Variants in CACNA1G observed in about 807,000 individuals in gnomAD.
CACNA1G encodes the protein voltage-dependent T-type calcium channel subunit alpha-1G.
CACNA1G carries 67 observed loss-of-function variants against 219.4 expected under a neutral mutation model. The ratio of observed to expected loss-of-function variants is 0.31; its 90% CI spans 0.25 to 0.37. The LOEUF (loss-of-function observed/expected upper bound fraction) is 0.37. Among genes scored for constraint, CACNA1G ranks in the 10% least tolerant of loss-of-function variants. The pLI is 1.00. For synonymous variants in CACNA1G, 1,296 were observed against 1,345.3 expected, an observed-to-expected ratio of 0.96 and a Z score of 0.80; for missense variants, 2,380 against 3,231.4, an observed-to-expected ratio of 0.74 and a Z score of 6.39.
At chr17:50,607,611 G>A (rs149611136) in intron 24 of CACNA1G, 10 of 548,238 alleles carry the variant, frequency 1.8e-5, no homozygotes, top group Non-Finnish European at 2.9e-5. Context: ...GAGTCAGCCA[G>A]AACAAAGAGG....
chr17:50,576,407 G>A lies in CACNA1G; in HGVS notation c.1924+81G>A, dbSNP rs182696785. The A allele has an allele frequency of 2.7e-5, 36 of 1,355,362 alleles. No individual in the cohort carries two copies. The East Asian group carries it at 8.8e-4, about 33-fold the overall frequency. The allele number at this position is 1,355,362 out of a possible 1,614,324, so 84.0% of individuals were successfully genotyped here. A position where few individuals can be genotyped will look rare whatever the true frequency, so the allele number is the denominator to read the frequency against. ...CCCAGAGGGGACTAGGGGGTCTGGA[G>A]TCAGAGGGACCAGGGCTTATATTCT... is the stretch of plus-strand genomic sequence containing the variant. On this transcript the variant is annotated intron_variant, in intron 8 of 37. Transcript: ENST00000359106.
In CACNA1G at chr17:50,599,670, G is replaced by A. The variant is rs774835933; in HGVS notation, c.3501G>A (p.Glu1167=). 121 of 1,613,100 alleles carry A rather than the reference G, an allele frequency of 7.5e-5. No homozygotes were observed. The highest frequency in any genetic ancestry group is 9.7e-5 in the Non-Finnish European group (114 of 1,179,580). ...GCCACAGGGGGTCCCTGGAGCGGGA[G>A]GCCAAGAGTTCCTTTGACCTGCCAG... ...DHRHRGSLER[E]AKSSFDLPDT... The change falls in exon 17 of 38, where the codon GAG becomes GAA. Residue 1167 remains glutamate, a synonymous_variant. Transcript: ENST00000359106.
At chr17:50,615,034 C>T (rs1365289432) in intron 26 of CACNA1G, among the ~76,000 whole-genome samples, 2 of 152,156 alleles carry the variant, frequency 1.3e-5, no homozygotes, top group Non-Finnish European at 2.9e-5. Flanking sequence ...TGCTGCGGAA[C>T]ACTGAGTCGA....
intron 9 of CACNA1G, among the ~76,000 whole-genome samples, chr17:50,589,519 C>T (rs2043710399): frequency 6.6e-6 from 1 of 152,104 alleles, no homozygotes; most frequent in South Asian, 2.1e-4. Context: ...CATGTTTTTG[C>T]AGCTCCTTTA....
In CACNA1G at chr17:50,621,609, CGT is replaced by C; in HGVS notation, c.5926-47_5926-46del. 1 of 1,600,594 alleles carries C rather than the reference CGT, an allele frequency of 6.2e-7. No homozygotes were observed. The highest frequency in any genetic ancestry group is 1.1e-5 in the South Asian group (1 of 90,244). ...GAGCGCGTGTGTGCGTGTGCACGCG[CGT>C]GTGCGCTGTCCTGGTTTCTCATGCC... On this transcript the variant is annotated intron_variant, in intron 34 of 37. Transcript: ENST00000359106. The surrounding 1 kb of genome is among the most constrained non-coding windows in gnomAD (Gnocchi z 4.6).
chr17:50,574,472 C>T (rs918708300), intron 7 of CACNA1G, among the ~76,000 whole-genome samples: 2 of 152,180 alleles, frequency 1.3e-5, no homozygotes, highest in African/African-American at 2.4e-5. Context: ...AGGCTTGGGG[C>T]GAAGCCTGAC....
At chr17:50,624,178 G>T (rs771654997) in intron 36 of CACNA1G, 103 bp downstream of exon 36, 14 of 1,435,676 alleles carry the variant, frequency 9.8e-6, no homozygotes, top group South Asian at 1.3e-5. Context: ...CAGCCAAAGA[G>T]GTATCTCTGA....
At position 50,568,906 on chromosome 17, in the gene CACNA1G, C is replaced by T. The variant is rs1392936573; in HGVS notation, c.279C>T (p.Leu93=). Residue 93 remains leucine (L), a synonymous_variant, in exon 2 of 38, where the codon CTC becomes CTT. Transcript: ENST00000359106. The part of the protein sequence containing the change: ...FERISMLVIL[L]NCVTLGMFRP... ...GCATCAGCATGTTGGTCATCCTTCT[C>T]AACTGCGTGACCCTGGGCATGTTCC... 1 of 1,613,720 alleles carries T rather than the reference C, an allele frequency of 6.2e-7. No homozygotes were observed. Among genetic ancestry groups the T allele is most frequent in the South Asian group, 1.1e-5 (1 of 91,084 alleles).
Position 50,608,020 on chromosome 17 carries a change from G to T in CACNA1G, c.4705+1G>T. ...CGAAGACTGGAGAAAAAGAGAAGGA[G>T]TAAGGAGAAGCAGATGGCTGGTCGG... On this transcript the variant is annotated splice_donor_variant, in intron 25 of 37. Transcript: ENST00000359106. LOFTEE classifies it high-confidence loss of function. 6.2e-7 allele frequency: 1 copy of T among 1,603,066 alleles called. No individual in the cohort carries two copies. The highest frequency in any genetic ancestry group is 8.5e-7 in the Non-Finnish European group (1 of 1,174,750).
chr17:50,607,029 T>C (rs778675445), intron 24 of CACNA1G, 40 bp downstream of exon 24: 1 of 1,455,074 alleles, frequency 6.9e-7, no homozygotes, highest in Non-Finnish European at 9.7e-7. Context: ...TGGGCTCAGG[T>C]CACTCAGCAT....
intron 9 of CACNA1G, among the ~76,000 whole-genome samples, chr17:50,587,585 G>A (rs890113032): frequency 1.3e-5 from 2 of 152,258 alleles, no homozygotes; most frequent in African/African-American, 4.8e-5. Flanking sequence ...ATGGCTCACT[G>A]GAGGGAATAC....
Position 50,571,814 on chromosome 17 carries a change from G to T in CACNA1G, c.587-64G>T, listed in dbSNP as rs1347169181. ...GTGGGGCCCCTCCGGGAGTGCTGCC[G>T]GGCCGTGGCAGTCAGCCTAGCCCGG... On this transcript the variant is annotated intron_variant, in intron 4 of 37. Coordinates refer to ENST00000359106, the MANE Select transcript of CACNA1G (RefSeq NM_018896.5). The surrounding 1 kb of genome is among the most constrained non-coding windows in gnomAD (Gnocchi z 4.3). The T allele has an allele frequency of 9.5e-6, 15 of 1,573,588 alleles. No homozygotes were observed. The highest frequency in any genetic ancestry group is 1.3e-5 in the Non-Finnish European group (15 of 1,151,306).
In CACNA1G at chr17:50,626,177, T is replaced by C; in HGVS notation, c.6560T>C (p.Ile2187Thr). Residue 2187 changes from isoleucine (I) to threonine (T), a missense_variant, in exon 38 of 38, where the codon ATC (isoleucine) becomes ACC (threonine). Ile to Thr is a moderately conservative substitution (Grantham distance 89). Around this residue, in one of 17 missense-constraint regions of CACNA1G, gnomAD observed 672 missense variants for 670.5 expected, o/e 1.00. Coordinates refer to ENST00000359106, the MANE Select transcript of CACNA1G (RefSeq NM_018896.5). This position sits in a 1 kb window ranked among gnomAD's most constrained non-coding sequence, Gnocchi z 4.3. ...CAGCACTCCCGCAGCCACAGCAAGA[T>C]CTCCAAGCACATGACCCCGCCAGCC... Reference protein sequence around the residue: ...AQQHSRSHSKISKHMTPPAPC... With the variant: ...AQQHSRSHSKTSKHMTPPAPC... 6.2e-7 allele frequency: 1 copy of C among 1,613,658 alleles called. No homozygotes were observed. The highest frequency in any genetic ancestry group is 8.5e-7 in the Non-Finnish European group (1 of 1,179,800).
Position 50,618,823 on chromosome 17 carries a change from G to A in CACNA1G, c.5596G>A (p.Glu1866Lys). ...ESNKEAKEEA[E>K]LEAELELEMK... The stretch of plus-strand genomic sequence containing the variant: ...CAACAAGGAGGCCAAGGAGGAGGCC[G>A]AGCTAGAGGCTGAGCTGGAGCTGGA... Residue 1866 changes from glutamate (E) to lysine (K), a missense_variant, in exon 33 of 38, where the codon GAG becomes AAG. Physicochemically the swap from Glu to Lys is moderately conservative, Grantham distance 56. This residue lies in a region of CACNA1G where 672 missense variants were observed against 670.5 expected (regional missense o/e 1.00). Coordinates refer to ENST00000359106, the MANE Select transcript of CACNA1G (RefSeq NM_018896.5). This position sits in a 1 kb window ranked among gnomAD's most constrained non-coding sequence, Gnocchi z 5.3. 3.7e-6 allele frequency: 6 copies of A among 1,613,892 alleles called. No individual in the cohort carries two copies. Among genetic ancestry groups the A allele is most frequent in the Admixed American group, 1.7e-5 (1 of 60,030 alleles).
rs539669907 is a variant in CACNA1G at position 50,626,306 on chromosome 17, C to T, written c.6689C>T (p.Pro2230Leu). Residue 2230 changes from proline (P) to leucine (L), a missense_variant, in exon 38 of 38, where the codon CCC (proline) becomes CTC (leucine). Coordinates refer to ENST00000359106, the MANE Select transcript of CACNA1G (RefSeq NM_018896.5). The surrounding 1 kb of genome is among the most constrained non-coding windows in gnomAD (Gnocchi z 4.3). ...AGCTGGATTTCAGGAGACCTCCTGCCCCCTGGCGGCCAGGAGGAGCCCCCA... is the reference window on the plus strand; with the variant it reads ...AGCTGGATTTCAGGAGACCTCCTGCTCCCTGGCGGCCAGGAGGAGCCCCCA... ...ELSWISGDLL[P>L]PGGQEEPPSP... The T allele has an allele frequency of 4.3e-6, 7 of 1,613,460 alleles. No individual in the cohort carries two copies. The South Asian group carries it at 7.7e-5, about 18-fold the overall frequency.
At chr17:50,562,021 C>T (rs1012254016) in intron 1 of CACNA1G, 38 of 285,802 alleles carry the variant, frequency 1.3e-4, no homozygotes, top group African/African-American at 8.5e-4. Context: ...CAGATGTGGT[C>T]AGGGGAGGGT....
At chr17:50,569,829 C>T (rs1382993683) in intron 4 of CACNA1G, 26 bp downstream of exon 4, 2 of 1,510,800 alleles carry the variant, frequency 1.3e-6, no homozygotes, top group Non-Finnish European at 1.8e-6. Context: ...GCCCTCAGCC[C>T]CTGAAGAGAG....
At chr17:50,598,165 T>C (rs2045935568) in intron 16 of CACNA1G, among the ~76,000 whole-genome samples, 1 of 152,226 alleles carries the variant, frequency 6.6e-6, no homozygotes, top group Non-Finnish European at 1.5e-5. Context: ...TTAGCTGAGA[T>C]TATAGGCATG....
rs1050225851 is a variant in CACNA1G, at chr17:50,603,438, G to A, written c.4169+239G>A. ...TCAACATGACATATTCCTCAGGGCC[G>A]CTGCACCATGTGATGTAAGGTGACT... On this transcript the variant is annotated intron_variant, in intron 21 of 37. Transcript: ENST00000359106. This position sits in a 1 kb window ranked among gnomAD's most constrained non-coding sequence, Gnocchi z 6.4. 6.6e-6 allele frequency among the ~76,000 whole-genome samples: 1 copy of A among 152,082 alleles called. No individual in the cohort carries two copies. Among genetic ancestry groups the A allele is most frequent in the Non-Finnish European group, 1.5e-5 (1 of 68,024 alleles).
Sources: gnomAD v4.1 joint callset for allele counts (sites outside exome capture counted in the v4.1 genomes callset) on GRCh38, gnomAD v4.1.1 for gene constraint, gnomAD v4.1.1 regional missense constraint, Gnocchi (gnomAD v3.1) non-coding constraint, MANE v1.5 for transcripts, NCBI Gene and HGNC (gene_info 2026-07-23, HGNC 2026-07-21) for gene names.